Variants in SUMF1 observed in about 807,000 individuals in gnomAD.
The protein encoded by SUMF1 is formylglycine-generating enzyme.
A neutral mutation model predicts 47.6 loss-of-function variants in SUMF1; 48 were observed. That is an observed-to-expected ratio of 1.01 (90% CI 0.80 to 1.28). The LOEUF (loss-of-function observed/expected upper bound fraction) is 1.28. Ranked by LOEUF, SUMF1 falls within the 50% of genes most tolerant of loss-of-function variation. The pLI is 0.00. For missense variants in SUMF1, 571 were observed against 485.4 expected (o/e 1.18, Z -1.66); for synonymous variants, 230 against 192.1 (o/e 1.20, Z -1.63).
At chr3:4,157,764 G>A (rs1694488264) in intron 8 of SUMF1, among the ~76,000 whole-genome samples, 1 of 151,504 alleles carries the variant, frequency 6.6e-6, no homozygotes. Context: ...AAATGAGACA[G>A]ACAGGCATCT....
intron 7 of SUMF1, among the ~76,000 whole-genome samples, chr3:4,406,314 T>C (rs960251884): frequency 6.6e-6 from 1 of 152,184 alleles, no homozygotes; most frequent in African/African-American, 2.4e-5. Context: ...TAATATTAAG[T>C]GGCAGAGCTG....
chr3:4,223,026 C>T (rs975186168), intron 8 of SUMF1, among the ~76,000 whole-genome samples: 3 of 152,000 alleles, frequency 2.0e-5, no homozygotes, highest in Non-Finnish European at 4.4e-5. Flanking sequence ...GAAACTTCCA[C>T]GTTTTTCTCT....
Position 4,417,134 on chromosome 3 carries a change from A to C in SUMF1, c.834T>G (p.Thr278=). Residue 278 remains threonine, a synonymous_variant, in exon 6 of 9, where the codon ACT becomes ACG. Coordinates refer to ENST00000272902, the MANE Select transcript of SUMF1 (RefSeq NM_182760.4). ...CAGAGGTCTCATTACTCACAGGCGC[A>C]GTTCCTTGGAAGCCATCCTCACCAG... ...TNTGEDGFQG[T]APVDAFPPNG... 1 of 1,613,822 alleles carries C rather than the reference A, an allele frequency of 6.2e-7. No homozygotes were observed. The highest frequency in any genetic ancestry group is 1.1e-5 in the South Asian group (1 of 91,080).
chr3:4,461,272 G>C (rs934259750), intron 1 of SUMF1, among the ~76,000 whole-genome samples: 4 of 151,878 alleles, frequency 2.6e-5, no homozygotes, highest in Non-Finnish European at 5.9e-5. Context: ...TATACTCTAA[G>C]TGCTGGGACA....
At chr3:4,079,564 T>G (rs1298582684) in intron 8 of SUMF1, among the ~76,000 whole-genome samples, 6 of 151,860 alleles carry the variant, frequency 4.0e-5, no homozygotes, top group African/African-American at 1.5e-4. Flanking sequence ...TGATAGAAAC[T>G]TGCTTAAGTT....
chr3:4,257,866 A>G (rs1231231028), intron 8 of SUMF1, among the ~76,000 whole-genome samples: 1 of 151,364 alleles, frequency 6.6e-6, no homozygotes, highest in African/African-American at 2.4e-5. Context: ...AAACTATACT[A>G]CAAGGCTACA....
At chr3:4,060,393 A>G (rs1028258141) in intron 9 of SUMF1, among the ~76,000 whole-genome samples, 1 of 152,170 alleles carries the variant, frequency 6.6e-6, no homozygotes, top group African/African-American at 2.4e-5. Flanking sequence ...CAATTTATAT[A>G]ATCTCTCTGC....
intron 8 of SUMF1, among the ~76,000 whole-genome samples, chr3:4,134,024 C>A (rs867616146): frequency 1.3e-5 from 2 of 152,020 alleles, no homozygotes; most frequent in Non-Finnish European, 2.9e-5. Context: ...TAATGGGAGA[C>A]TTTAACAACC....
At chr3:4,332,795 G>A (rs1005013943) in intron 8 of SUMF1, among the ~76,000 whole-genome samples, 2 of 152,086 alleles carry the variant, frequency 1.3e-5, no homozygotes, top group East Asian at 1.9e-4. Flanking sequence ...GGATACCTGC[G>A]GCCCTAAGTG....
chr3:4,220,443 G>A (rs750723661), intron 8 of SUMF1, among the ~76,000 whole-genome samples: 40 of 152,040 alleles, frequency 2.6e-4, no homozygotes, highest in Non-Finnish European at 8.8e-5. Context: ...AAGTTCATAG[G>A]AGCATTGCTT....
At chr3:4,097,851 T>A (rs1692940854) in intron 8 of SUMF1, among the ~76,000 whole-genome samples, 1 of 152,114 alleles carries the variant, frequency 6.6e-6, no homozygotes. Context: ...GCTCCAGCTA[T>A]CCATCAGACT....
chr3:4,235,162 G>A (rs1410007101), intron 8 of SUMF1, among the ~76,000 whole-genome samples: 1 of 152,124 alleles, frequency 6.6e-6, no homozygotes, highest in African/African-American at 2.4e-5. Context: ...AAAGTGGATG[G>A]AAATATCTAA....
At chr3:4,311,298 A>G (rs1698395237) in intron 8 of SUMF1, among the ~76,000 whole-genome samples, 1 of 152,142 alleles carries the variant, frequency 6.6e-6, no homozygotes, top group African/African-American at 2.4e-5. Context: ...ATACCTTTCT[A>G]AAGCCTGGCC....
intron 9 of SUMF1, among the ~76,000 whole-genome samples, chr3:4,037,068 A>C (rs1694814106): frequency 6.6e-6 from 1 of 152,182 alleles, no homozygotes; most frequent in African/African-American, 2.4e-5. Context: ...AAACAAATAA[A>C]TTCAAGTATT....
intron 9 of SUMF1, among the ~76,000 whole-genome samples, chr3:4,038,485 T>C (rs957231134): frequency 5.3e-5 from 8 of 152,096 alleles, no homozygotes; most frequent in African/African-American, 1.7e-4. Flanking sequence ...TGGCTTTCAG[T>C]TGCTCCCGGG....
At chr3:4,379,840 CAAAAAAAAAAA>C (rs58264459) in intron 7 of SUMF1, among the ~76,000 whole-genome samples, 1 of 76,886 alleles carries the variant, frequency 1.3e-5, no homozygotes, top group African/African-American at 5.3e-5. Flanking sequence ...GCCTCCATCT[CAAAAAAAAAAA>C]AAAAAAAAAA....
At chr3:4,345,998 C>T (rs1361514426) in intron 8 of SUMF1, among the ~76,000 whole-genome samples, 3 of 152,220 alleles carry the variant, frequency 2.0e-5, no homozygotes, top group Admixed American at 6.5e-5. Flanking sequence ...TGTATATGCA[C>T]CCAATACAGG....
chr3:4,243,423 A>C (rs1010568884), intron 8 of SUMF1, among the ~76,000 whole-genome samples: 1 of 152,046 alleles, frequency 6.6e-6, no homozygotes, highest in African/African-American at 2.4e-5. Context: ...CCCTCTATAC[A>C]CTGCTTTAAA....
Position 4,136,830 on chromosome 3 carries a change from T to G in SUMF1, c.1015-68085A>C, listed in dbSNP as rs978450094. ...GGCAAAGGATATGAACAGACACTTC[T>G]CCAAAGAAGACATTTATGCAGCCAA... On this transcript the variant is annotated intron_variant and NMD_transcript_variant, in intron 8 of 12. Coordinates refer to the SUMF1 transcript ENST00000448413. Among the ~76,000 whole-genome samples the G allele has an allele frequency of 5.3e-5, 8 of 151,904 alleles. 1 individual carries two copies. The highest frequency in any genetic ancestry group is 1.0e-4 in the Non-Finnish European group (7 of 68,016).
Sources: allele counts gnomAD v4.1 joint callset (sites outside exome capture counted in the v4.1 genomes callset), GRCh38; gene constraint gnomAD v4.1.1; transcripts MANE v1.5; gene names NCBI Gene and HGNC (gene_info 2026-07-23, HGNC 2026-07-21).